DOCK4: variants seen among roughly 807,000 people sequenced by gnomAD.
The protein encoded by DOCK4 is dedicator of cytokinesis 4, also known as dedicator of cytokinesis protein 4.
DOCK4 carries 97 observed loss-of-function variants against 268.1 expected under a neutral mutation model. The ratio of observed to expected loss-of-function variants is 0.36; its 90% CI spans 0.31 to 0.43. The LOEUF is 0.43. DOCK4 is among the 20% of genes least tolerant of loss of function. The probability of loss-of-function intolerance (pLI) is 1.00; values close to 1 mark genes in which losing one functional copy is unlikely to be tolerated. For synonymous variants in DOCK4, 954 were observed against 887.2 expected (o/e 1.08, Z -1.34); for missense variants, 2,145 against 2,455.7 (o/e 0.87, Z 2.67).
chr7:111,894,130 G>A (rs1278760723), intron 16 of DOCK4, among the ~76,000 whole-genome samples: 1 of 151,684 alleles, frequency 6.6e-6, no homozygotes, highest in Non-Finnish European at 1.5e-5. Context: ...GCTGAGGCAG[G>A]AGAATGGTGT....
chr7:111,925,897 C>T (rs776334793), intron 12 of DOCK4, among the ~76,000 whole-genome samples: 19 of 151,652 alleles, frequency 1.3e-4, no homozygotes, highest in Non-Finnish European at 2.6e-4. Flanking sequence ...ACTATCCTGG[C>T]CAACATGGTA....
intron 1 of DOCK4, among the ~76,000 whole-genome samples, chr7:112,070,962 A>G (rs1419044805): frequency 6.6e-6 from 1 of 152,206 alleles, no homozygotes; most frequent in African/African-American, 2.4e-5. Context: ...CCATTCAGCT[A>G]CGACCTCTTT....
At chr7:111,960,020 A>G (rs1442507166) in intron 8 of DOCK4, among the ~76,000 whole-genome samples, 1 of 152,058 alleles carries the variant, frequency 6.6e-6, no homozygotes, top group Non-Finnish European at 1.5e-5. Context: ...TCTTTTTTAC[A>G]CTTAATTATT....
chr7:111,975,888 G>A (rs1304121155), intron 8 of DOCK4, among the ~76,000 whole-genome samples: 1 of 151,488 alleles, frequency 6.6e-6, no homozygotes, highest in African/African-American at 2.4e-5. Flanking sequence ...AATAGGCCAG[G>A]CGCAGTGACT....
At chr7:112,071,194 C>T (rs559077354) in intron 1 of DOCK4, among the ~76,000 whole-genome samples, 2 of 152,212 alleles carry the variant, frequency 1.3e-5, no homozygotes, top group South Asian at 4.1e-4. Context: ...TTATCTTTGC[C>T]ACAGCCCACA....
At chr7:111,896,168 T>C (rs1005603473) in intron 15 of DOCK4, among the ~76,000 whole-genome samples, 4 of 152,184 alleles carry the variant, frequency 2.6e-5, no homozygotes, top group Non-Finnish European at 5.9e-5. Context: ...ATCTCTAAGC[T>C]CTACCCTGGT....
chr7:111,974,343 T>C (rs1260065547), intron 8 of DOCK4, among the ~76,000 whole-genome samples: 1 of 152,070 alleles, frequency 6.6e-6, no homozygotes, highest in Non-Finnish European at 1.5e-5. Flanking sequence ...GTGATACTTA[T>C]TCATTTTTTT....
chr7:111,808,432 A>T (rs1218457404), intron 30 of DOCK4: 1 of 179,736 alleles, frequency 5.6e-6, no homozygotes. Flanking sequence ...CGTTCAAGTC[A>T]ATGTTTCATG....
chr7:111,880,103 T>C (rs555091931), intron 16 of DOCK4, among the ~76,000 whole-genome samples: 1 of 152,252 alleles, frequency 6.6e-6, no homozygotes, highest in African/African-American at 2.4e-5. Flanking sequence ...CAAGCAGATT[T>C]AACCCAAAGA....
At chr7:112,168,433 C>G (rs920308231) in intron 1 of DOCK4, among the ~76,000 whole-genome samples, 10 of 152,138 alleles carry the variant, frequency 6.6e-5, no homozygotes, top group Non-Finnish European at 1.0e-4. Context: ...ACACAGTTAA[C>G]GAGCCAGGCA....
chr7:111,884,994 C>CT (rs1807714336), intron 16 of DOCK4, among the ~76,000 whole-genome samples: 1 of 152,122 alleles, frequency 6.6e-6, no homozygotes, highest in South Asian at 2.1e-4. Context: ...AAAGGGTCTA[C>CT]TGTGAGTGAG....
chr7:112,205,002 AATTGCATTTGGCCGGCTGCAG>A (rs1319613933), intron 1 of DOCK4, among the ~76,000 whole-genome samples: 1 of 152,046 alleles, frequency 6.6e-6, no homozygotes, highest in African/African-American at 2.4e-5. Flanking sequence ...GGGAGGTTAT[AATTGCATTTGGCCGGCTGCAG>A]CCTTGTCGGA....
intron 15 of DOCK4, among the ~76,000 whole-genome samples, chr7:111,896,354 C>T (rs185466500): frequency 6.6e-6 from 1 of 152,138 alleles, no homozygotes. Context: ...TTTCAGATGC[C>T]TAATTAAGAA....
intron 36 of DOCK4, among the ~76,000 whole-genome samples, chr7:111,776,042 C>CA (rs1405227882): frequency 2.6e-5 from 4 of 152,224 alleles, no homozygotes; most frequent in African/African-American, 9.7e-5. Context: ...ATCAATATAA[C>CA]AAGGACTTCT....
intron 39 of DOCK4, among the ~76,000 whole-genome samples, chr7:111,762,050 T>C (rs188151817): frequency 4.1e-4 from 57 of 139,666 alleles, no homozygotes; most frequent in African/African-American, 1.6e-3. Flanking sequence ...ATATGACAGT[T>C]TGTAAAAATC....
At chr7:111,832,427 C>G (rs1022126763) in intron 26 of DOCK4, among the ~76,000 whole-genome samples, 1 of 152,208 alleles carries the variant, frequency 6.6e-6, no homozygotes, top group Non-Finnish European at 1.5e-5. Flanking sequence ...ATCCCTAGTG[C>G]GTGGTGCACA....
At chr7:112,011,056 G>A (rs916322759) in intron 1 of DOCK4, among the ~76,000 whole-genome samples, 5 of 152,196 alleles carry the variant, frequency 3.3e-5, no homozygotes, top group African/African-American at 1.2e-4. Context: ...TTCTGGGATG[G>A]CTTCAGCTGA....
At chr7:112,023,438 C>A in intron 1 of DOCK4, 1 of 293,544 alleles carries the variant, frequency 3.4e-6, no homozygotes, top group South Asian at 3.2e-5. Context: ...CCAAGGCAGC[C>A]AGACAGGGTG....
chr7:112,109,594 C>T (rs201987173), intron 1 of DOCK4, among the ~76,000 whole-genome samples: 1 of 152,148 alleles, frequency 6.6e-6, no homozygotes, highest in Non-Finnish European at 1.5e-5. Flanking sequence ...TGATTTTCAG[C>T]GATAGTGTGC....
Sources: allele counts gnomAD v4.1 joint callset (sites outside exome capture counted in the v4.1 genomes callset), GRCh38; gene constraint gnomAD v4.1.1; transcripts MANE v1.5; gene names NCBI Gene and HGNC (gene_info 2026-07-23, HGNC 2026-07-21).